RYR3: variants seen among roughly 807,000 people sequenced by gnomAD.
RYR3 encodes the protein brain ryanodine receptor-calcium release channel.
In RYR3, 207 loss-of-function variants were observed where a neutral mutation model predicts 584.3. The ratio of observed to expected loss-of-function variants is 0.35; its 90% CI spans 0.32 to 0.40. The LOEUF is 0.40. RYR3 is among the 10% of genes least tolerant of loss of function. The pLI, the probability that RYR3 is intolerant of heterozygous loss-of-function variation, is 1.00. For missense variants in RYR3, 5,616 were observed against 6,089.2 expected, an observed-to-expected ratio of 0.92 and a Z score of 2.59; for synonymous variants, 2,416 against 2,248.5, an observed-to-expected ratio of 1.07 and a Z score of -2.11.
intron 93 of RYR3, among the ~76,000 whole-genome samples, chr15:33,846,494 TC>T (rs764418016): frequency 1.2e-4 from 18 of 152,222 alleles, no homozygotes; most frequent in Non-Finnish European, 2.2e-4. Flanking sequence ...TCACTGCTTT[TC>T]TCATTACATT....
intron 38 of RYR3, among the ~76,000 whole-genome samples, chr15:33,687,225 G>A (rs558379560): frequency 1.7e-4 from 26 of 152,258 alleles, no homozygotes; most frequent in Middle Eastern, 6.8e-3. Context: ...AAAGTCTCAG[G>A]ATACAAAATC....
At chr15:33,522,480 C>G (rs1305326502) in intron 3 of RYR3, among the ~76,000 whole-genome samples, 1 of 152,120 alleles carries the variant, frequency 6.6e-6, no homozygotes, top group Non-Finnish European at 1.5e-5. Flanking sequence ...ACCTCTGACT[C>G]TCGGCTTTAG....
intron 1 of RYR3, among the ~76,000 whole-genome samples, chr15:33,447,910 G>C (rs186494603): frequency 8.3e-4 from 127 of 152,238 alleles, no homozygotes; most frequent in African/African-American, 2.9e-3. Context: ...TCTTTTTGAG[G>C]CTCAGTGAAT....
intron 14 of RYR3, among the ~76,000 whole-genome samples, chr15:33,582,448 C>T (rs1481197223): frequency 6.6e-6 from 1 of 152,204 alleles, no homozygotes; most frequent in South Asian, 2.1e-4. Flanking sequence ...CAGTACTGAT[C>T]AATTGCCACT....
chr15:33,725,330 C>T (rs932047920), intron 45 of RYR3, among the ~76,000 whole-genome samples: 3 of 152,102 alleles, frequency 2.0e-5, no homozygotes, highest in African/African-American at 7.2e-5. Flanking sequence ...GGTGCGTGGG[C>T]GGGCCTTCTC....
chr15:33,328,325 C>T (rs1348871706), intron 1 of RYR3, among the ~76,000 whole-genome samples: 5 of 152,138 alleles, frequency 3.3e-5, no homozygotes, highest in Non-Finnish European at 4.4e-5. Context: ...TGGAGTGCTT[C>T]GTCTGTTCCT....
chr15:33,617,210 T>C (rs111336305), intron 19 of RYR3, among the ~76,000 whole-genome samples: 26,639 of 151,268 alleles, frequency 0.18, 2,538 homozygotes, highest in African/African-American at 0.24. Context: ...GTCAGGAGAT[T>C]GAGACCATCC....
intron 2 of RYR3, among the ~76,000 whole-genome samples, chr15:33,495,603 C>T (rs1320526164): frequency 6.6e-6 from 1 of 152,066 alleles, no homozygotes; most frequent in African/African-American, 2.4e-5. Flanking sequence ...TCTCTACTTG[C>T]CCATATAAGT....
intron 27 of RYR3, among the ~76,000 whole-genome samples, chr15:33,642,085 C>G (rs1437327813): frequency 6.6e-6 from 1 of 152,178 alleles, no homozygotes; most frequent in Non-Finnish European, 1.5e-5. Flanking sequence ...GCTGTCCTCT[C>G]TACTGGTGCT....
intron 67 of RYR3, among the ~76,000 whole-genome samples, chr15:33,791,192 T>C (rs1252169141): frequency 6.6e-5 from 10 of 152,170 alleles, no homozygotes; most frequent in East Asian, 1.9e-4. Flanking sequence ...GTTGTTAACA[T>C]AGGAAACTTG....
intron 1 of RYR3, among the ~76,000 whole-genome samples, chr15:33,409,235 C>T (rs2043224899): frequency 6.6e-6 from 1 of 150,930 alleles, no homozygotes; most frequent in Admixed American, 6.6e-5. Context: ...GTACAATGTG[C>T]AGGTTAGTTA....
chr15:33,463,300 C>T (rs1200806328), intron 1 of RYR3, among the ~76,000 whole-genome samples: 3 of 152,090 alleles, frequency 2.0e-5, no homozygotes, highest in Non-Finnish European at 4.4e-5. Flanking sequence ...TTTGAGATTT[C>T]TTCCATTCAT....
rs769067753 is a variant in RYR3 at position 33,731,499 on chromosome 15, C to T, written c.7229C>T (p.Ala2410Val). 11 of 1,612,684 alleles carry T rather than the reference C, an allele frequency of 6.8e-6. No homozygotes were observed. The highest frequency in any genetic ancestry group is 6.7e-5 in the Admixed American group (4 of 59,872). ...DTVSLSTTEA[A>V]LALNRYICSA... Reference sequence around the variant, plus strand: ...GTTTCCCTAAGCACCACAGAGGCTGCGCTTGCACTAAATAGGTATATATGT... The same window carrying T: ...GTTTCCCTAAGCACCACAGAGGCTGTGCTTGCACTAAATAGGTATATATGT... Residue 2410 changes from alanine to valine, a missense_variant, in exon 48 of 104, where the codon GCG (alanine) becomes GTG (valine). Ala to Val is a moderately conservative substitution (Grantham distance 64). This residue lies in a region of RYR3 where 1,280 missense variants were observed against 1,426.2 expected (regional missense o/e 0.90). Coordinates refer to ENST00000634891, the MANE Select transcript of RYR3 (RefSeq NM_001036.6).
Position 33,473,400 on chromosome 15 carries a change from G to T in RYR3, c.52-19G>T, listed in dbSNP as rs1420437905. On this transcript the variant is annotated intron_variant, in intron 1 of 103. Transcript: ENST00000634891. Reference sequence around the variant, plus strand: ...AGCAGTTCCCCTTACTCATGTTTGGGTCTCTCTTCTCCTGGCAGGAGGATG... The same window carrying T: ...AGCAGTTCCCCTTACTCATGTTTGGTTCTCTCTTCTCCTGGCAGGAGGATG... 2 of 1,613,204 alleles carry T rather than the reference G, an allele frequency of 1.2e-6. No individual in the cohort carries two copies. The highest frequency in any genetic ancestry group is 1.7e-6 in the Non-Finnish European group (2 of 1,179,852).
At chr15:33,352,304 A>C (rs1973387220) in intron 1 of RYR3, among the ~76,000 whole-genome samples, 1 of 150,960 alleles carries the variant, frequency 6.6e-6, no homozygotes, top group South Asian at 2.1e-4. Context: ...TCCTCTTACC[A>C]GTGTCTTTCA....
chr15:33,473,693 T>G (rs1357993023), intron 2 of RYR3, among the ~76,000 whole-genome samples, 155 bp downstream of exon 2: 5 of 152,158 alleles, frequency 3.3e-5, no homozygotes, highest in Non-Finnish European at 2.9e-5. Flanking sequence ...ACCATAACTT[T>G]CCACAAGCCT....
At chr15:33,422,490 T>G (rs2044308992) in intron 1 of RYR3, among the ~76,000 whole-genome samples, 1 of 152,178 alleles carries the variant, frequency 6.6e-6, no homozygotes, top group South Asian at 2.1e-4. Context: ...GTGATTGCCA[T>G]TGCAGAGGGA....
At chr15:33,734,901 G>A (rs1480739424) in intron 48 of RYR3, among the ~76,000 whole-genome samples, 1 of 151,884 alleles carries the variant, frequency 6.6e-6, no homozygotes, top group Admixed American at 6.6e-5. Flanking sequence ...ATGTTAGCCA[G>A]GCTGGTCTCG....
intron 94 of RYR3, chr15:33,850,944 C>T (rs552189084): frequency 6.6e-6 from 1 of 151,876 alleles, no homozygotes; most frequent in Non-Finnish European, 1.5e-5. Context: ...GGTATTTGTC[C>T]CTAAATATAT....
Sources: allele counts gnomAD v4.1 joint callset (sites outside exome capture counted in the v4.1 genomes callset), GRCh38; gene constraint gnomAD v4.1.1; regional missense constraint gnomAD v4.1.1; transcripts MANE v1.5; gene names NCBI Gene and HGNC (gene_info 2026-07-23, HGNC 2026-07-21).